The following KDM4C variants were observed in gnomAD, a reference collection of about 807,000 sequenced individuals.
The protein encoded by KDM4C is lysine demethylase 4C.
In KDM4C, 81 loss-of-function variants were observed where a neutral mutation model predicts 129.3. That is an observed-to-expected ratio of 0.63 (90% CI 0.52 to 0.75). The LOEUF is 0.75. KDM4C is among the 30% of genes least tolerant of loss of function. The pLI, the probability that KDM4C is intolerant of heterozygous loss-of-function variation, is 0.00. For missense variants in KDM4C, 1,457 were observed against 1,304.0 expected (o/e 1.12, Z -1.81); for synonymous variants, 573 against 456.1 (o/e 1.26, Z -3.26).
chr9:7,038,761 A>G (rs141779981), intron 15 of KDM4C, among the ~76,000 whole-genome samples: 1 of 152,178 alleles, frequency 6.6e-6, no homozygotes, highest in East Asian at 1.9e-4. Flanking sequence ...CTCCGTAACC[A>G]TCATAACAGC....
intron 1 of KDM4C, among the ~76,000 whole-genome samples, chr9:6,725,996 G>A (rs1348452476): frequency 3.3e-5 from 5 of 149,780 alleles, no homozygotes; most frequent in African/African-American, 7.4e-5. Flanking sequence ...GCGCGATCTC[G>A]GCTCACTGCA....
intron 8 of KDM4C, among the ~76,000 whole-genome samples, chr9:6,970,014 A>C: frequency 6.6e-6 from 1 of 152,218 alleles, no homozygotes; most frequent in Non-Finnish European, 1.5e-5. Flanking sequence ...CCATGTGCCC[A>C]TCTCTGAACC....
intron 5 of KDM4C, among the ~76,000 whole-genome samples, chr9:6,878,994 T>C (rs1208149334): frequency 2.0e-5 from 3 of 152,246 alleles, no homozygotes; most frequent in African/African-American, 7.2e-5. Flanking sequence ...ACAGGATATA[T>C]GATTGAATTT....
At chr9:6,969,746 G>C (rs1253659222) in intron 8 of KDM4C, among the ~76,000 whole-genome samples, 1 of 152,150 alleles carries the variant, frequency 6.6e-6, no homozygotes, top group African/African-American at 2.4e-5. Flanking sequence ...TATGTTCAGA[G>C]GTGATTTTAA....
At chr9:6,867,488 G>T (rs1481658559) in intron 5 of KDM4C, among the ~76,000 whole-genome samples, 1 of 152,062 alleles carries the variant, frequency 6.6e-6, no homozygotes, top group Non-Finnish European at 1.5e-5. Context: ...ATTTTTTGTT[G>T]GGAAAAGTTT....
Position 6,724,941 on chromosome 9 carries a change from A to G in KDM4C, c.49+3944A>G, listed in dbSNP as rs527417033. Among the ~76,000 whole-genome samples, 3 of 152,264 alleles carry G rather than the reference A, an allele frequency of 2.0e-5. No individual in the cohort carries two copies. In the East Asian group the frequency reaches 5.8e-4, roughly 29 times the overall value. On this transcript the variant is annotated intron_variant, in intron 1 of 17. Coordinates refer to the KDM4C transcript ENST00000536108. ...GTCCAAAATGAGTTTCACTGGGCTG[A>G]AATCAAGGTGTTGGCAGGACTGCAC...
At position 6,924,657 on chromosome 9, in the gene KDM4C, G is replaced by A. The variant is rs865921596; in HGVS notation, c.921+31425G>A. The A allele has an allele frequency of 1.5e-4, 88 of 593,358 alleles. No individual in the cohort carries two copies. In the African/African-American group the frequency reaches 1.6e-3, roughly 10 times the overall value. 36.8% of individuals were successfully genotyped at this position (593,358 alleles called of 1,614,324 possible). Reference sequence around the variant, plus strand: ...TTAGATCTTCTCTGATTATTCCAACGTTGAATGTTACACTTGTGTTCTGCT... The same window carrying A: ...TTAGATCTTCTCTGATTATTCCAACATTGAATGTTACACTTGTGTTCTGCT... On this transcript the variant is annotated intron_variant, in intron 8 of 21. Transcript: ENST00000381309.
intron 19 of KDM4C, among the ~76,000 whole-genome samples, chr9:7,150,277 C>G (rs985762100): frequency 1.3e-5 from 2 of 152,156 alleles, no homozygotes; most frequent in Non-Finnish European, 2.9e-5. Context: ...AGAGAGGTGT[C>G]TATAATTAGC....
rs377187050 is a variant in KDM4C, at chr9:6,958,687, A to ATTTTTTTTTTTTTTTT, written c.922-22223_922-22222insTTTTTTTTTTTTTTTT. ...AATACATTATGCCTTTCTTTATATG[A>ATTTTTTTTTTTTTTTT]TTTTTTTTTTTTTTTGGGACAGGGT... On this transcript the variant is annotated intron_variant, in intron 8 of 21. Transcript: ENST00000381309. Among the ~76,000 whole-genome samples the ATTTTTTTTTTTTTTTT allele has an allele frequency of 6.2e-4, 84 of 136,326 alleles. 2 individuals carry two copies. Among genetic ancestry groups the ATTTTTTTTTTTTTTTT allele is most frequent in the African/African-American group, 1.5e-3 (53 of 34,642 alleles). The allele number at this position is 136,326 out of a possible 152,430, so 89.4% of individuals were successfully genotyped here.
intron 11 of KDM4C, among the ~76,000 whole-genome samples, chr9:6,988,721 A>C (rs1053778837): frequency 1.3e-5 from 2 of 151,748 alleles, no homozygotes; most frequent in African/African-American, 2.4e-5. Context: ...TCTTGGGCTC[A>C]AAGCTGTACC....
Position 7,047,049 on chromosome 9 carries a change from G to A in KDM4C, c.2315+132G>A, listed in dbSNP as rs532014463. ...CTTTTGCTGCTCAGATCTGAGGTTG[G>A]AATTCTGTGCTTCAGAGACTTCTAC... On this transcript the variant is annotated intron_variant, in intron 16 of 21. Coordinates refer to ENST00000381309, the MANE Select transcript of KDM4C (RefSeq NM_015061.6). 6 of 649,508 alleles carry A rather than the reference G, an allele frequency of 9.2e-6. No homozygotes were observed. In the East Asian group the frequency reaches 1.7e-4, roughly 18 times the overall value. The allele number at this position is 649,508 out of a possible 1,614,324, so 40.2% of individuals were successfully genotyped here. A position where few individuals can be genotyped will look rare whatever the true frequency, so the allele number is the denominator to read the frequency against.
intron 17 of KDM4C, among the ~76,000 whole-genome samples, chr9:7,090,752 T>A (rs1207047312): frequency 6.6e-6 from 1 of 152,214 alleles, no homozygotes; most frequent in Admixed American, 6.5e-5. Context: ...CAGGTATAGT[T>A]TTCTAGGCAT....
chr9:6,800,369 A>C (rs1828701985), intron 2 of KDM4C, among the ~76,000 whole-genome samples: 1 of 151,894 alleles, frequency 6.6e-6, no homozygotes. Context: ...CATCTCAAAA[A>C]GCAAACAAAC....
At chr9:7,077,677 AC>A (rs1402584018) in intron 17 of KDM4C, among the ~76,000 whole-genome samples, 3 of 152,140 alleles carry the variant, frequency 2.0e-5, no homozygotes, top group Admixed American at 2.0e-4. Context: ...TCCCAGGAAC[AC>A]CTTTAAGCTG....
chr9:6,844,200 GTCTTC>G (rs1837459536), intron 4 of KDM4C, among the ~76,000 whole-genome samples: 1 of 152,118 alleles, frequency 6.6e-6, no homozygotes, highest in Non-Finnish European at 1.5e-5. Flanking sequence ...GTTGGATTGA[GTCTTC>G]TCTTTTCCTA....
At chr9:7,106,984 T>A (rs867811070) in intron 18 of KDM4C, among the ~76,000 whole-genome samples, 1 of 152,160 alleles carries the variant, frequency 6.6e-6, no homozygotes, top group African/African-American at 2.4e-5. Context: ...GAAAAAAGTG[T>A]GTCACAGGAA....
rs544828562 is a variant in KDM4C, at chr9:7,174,571, C to T, written c.3013C>T (p.Arg1005Ter). ...KARFSTASDM[R>*]FEDTFYGADI... ...CTTTTAGTCCACAGCCTCTGACATG[C>T]GATTTGAAGACACGTTTTATGGAGC... is the stretch of plus-strand genomic sequence containing the variant. The change falls in exon 22 of 22, where the codon CGA (arginine) becomes TGA (stop). Residue 1005 changes from arginine to a stop codon, truncating the protein, a stop_gained. Coordinates refer to ENST00000381309, the MANE Select transcript of KDM4C (RefSeq NM_015061.6). LOFTEE classifies it high-confidence loss of function. 4 of 1,614,030 alleles carry T rather than the reference C, an allele frequency of 2.5e-6. No individual in the cohort carries two copies. The highest frequency in any genetic ancestry group is 1.3e-5 in the African/African-American group (1 of 75,030).
chr9:7,070,638 C>T (rs1305187809), intron 17 of KDM4C, among the ~76,000 whole-genome samples: 1 of 152,072 alleles, frequency 6.6e-6, no homozygotes, highest in African/African-American at 2.4e-5. Flanking sequence ...GAGAAAAAAA[C>T]ATTTAACTGG....
intron 8 of KDM4C, among the ~76,000 whole-genome samples, chr9:6,947,649 T>C (rs1402942467): frequency 6.6e-6 from 1 of 152,154 alleles, no homozygotes; most frequent in Non-Finnish European, 1.5e-5. Context: ...CTCTAGGTCC[T>C]TGAATTTCAA....
Sources: allele counts gnomAD v4.1 joint callset (sites outside exome capture counted in the v4.1 genomes callset), GRCh38; gene constraint gnomAD v4.1.1; transcripts MANE v1.5; gene names NCBI Gene and HGNC (gene_info 2026-07-23, HGNC 2026-07-21).